The following ZMAT4 variants were observed in gnomAD, a reference collection of about 807,000 sequenced individuals.
ZMAT4 encodes zinc finger matrin-type protein 4.
Under a neutral mutation model 28.7 loss-of-function variants are expected in ZMAT4, and 17 were observed. The observed-to-expected ratio is 0.59, with a 90% CI of 0.41 to 0.89. The LOEUF is 0.89. ZMAT4 is among the 40% of genes least tolerant of loss of function. ZMAT4 has a pLI of 0.00. For missense variants in ZMAT4, 240 were observed against 283.8 expected (o/e 0.85, Z 1.11); for synonymous variants, 117 against 109.2 (o/e 1.07, Z -0.44).
At chr8:40,841,389 C>A (rs1051470607) in intron 1 of ZMAT4, among the ~76,000 whole-genome samples, 7 of 152,204 alleles carry the variant, frequency 4.6e-5, no homozygotes, top group African/African-American at 1.4e-4. Context: ...AGGCCGCCCC[C>A]CTGCCACCAA....
chr8:40,893,432 T>C (rs1375753626), intron 1 of ZMAT4, among the ~76,000 whole-genome samples: 1 of 152,202 alleles, frequency 6.6e-6, no homozygotes, highest in Non-Finnish European at 1.5e-5. Flanking sequence ...CATAAGCACA[T>C]GCCCAAGTTC....
At chr8:40,800,083 T>G (rs186831042) in intron 2 of ZMAT4, among the ~76,000 whole-genome samples, 3 of 152,326 alleles carry the variant, frequency 2.0e-5, no homozygotes, top group Admixed American at 2.0e-4. Context: ...CTACAGTCAT[T>G]TGCTGCATGG....
At chr8:40,838,200 G>A (rs73619251) in intron 1 of ZMAT4, among the ~76,000 whole-genome samples, 2,250 of 152,276 alleles carry the variant, frequency 0.015, 49 homozygotes, top group African/African-American at 0.05. Context: ...CGTTCTTCAC[G>A]CCTTTTAGCT....
intron 3 of ZMAT4, among the ~76,000 whole-genome samples, chr8:40,717,099 T>G (rs1810890118): frequency 6.6e-6 from 1 of 152,244 alleles, no homozygotes; most frequent in South Asian, 2.1e-4. Flanking sequence ...CCTGTAATTT[T>G]ATCTTTGATT....
intron 2 of ZMAT4, among the ~76,000 whole-genome samples, chr8:40,797,313 G>C (rs960987888): frequency 1.3e-5 from 2 of 152,174 alleles, no homozygotes; most frequent in Non-Finnish European, 2.9e-5. Context: ...TGACACTTGT[G>C]CCTCACACAT....
chr8:40,604,662 G>A (rs1805518518), intron 5 of ZMAT4, among the ~76,000 whole-genome samples: 1 of 152,142 alleles, frequency 6.6e-6, no homozygotes, highest in Admixed American at 6.5e-5. Context: ...TTTCAACAGA[G>A]ATATTAATCC....
At chr8:40,532,909 G>A (rs892220842) in intron 6 of ZMAT4, among the ~76,000 whole-genome samples, 1 of 151,366 alleles carries the variant, frequency 6.6e-6, no homozygotes, top group African/African-American at 2.4e-5. Context: ...CAGGAGAATC[G>A]CTTGAACCTG....
intron 3 of ZMAT4, among the ~76,000 whole-genome samples, chr8:40,702,055 T>C (rs1466477148): frequency 6.6e-6 from 1 of 152,132 alleles, no homozygotes; most frequent in Admixed American, 6.5e-5. Context: ...AAAAGCAAGT[T>C]CAACCCTCAC....
intron 1 of ZMAT4, among the ~76,000 whole-genome samples, chr8:40,865,605 C>T (rs1406885845): frequency 3.3e-5 from 5 of 152,194 alleles, no homozygotes; most frequent in East Asian, 1.9e-4. Flanking sequence ...TTGAAATACA[C>T]GGTCTGCTCT....
chr8:40,755,263 T>C (rs760740150), intron 3 of ZMAT4, among the ~76,000 whole-genome samples: 16 of 151,464 alleles, frequency 1.1e-4, no homozygotes, highest in Non-Finnish European at 1.9e-4. Flanking sequence ...ACCTTTAGAG[T>C]TTCAATGGGC....
intron 3 of ZMAT4, among the ~76,000 whole-genome samples, chr8:40,753,792 T>C (rs985394894): frequency 1.3e-5 from 2 of 152,212 alleles, no homozygotes. Context: ...TGACTTAAGC[T>C]CCTTCCACAT....
At chr8:40,879,634 T>C (rs569396195) in intron 1 of ZMAT4, among the ~76,000 whole-genome samples, 63 of 152,290 alleles carry the variant, frequency 4.1e-4, no homozygotes, top group African/African-American at 1.5e-3. Context: ...TTTCTGTAAT[T>C]TTTATTATTT....
chr8:40,630,189 TTTC>T (rs1368468468), intron 5 of ZMAT4, among the ~76,000 whole-genome samples: 7 of 152,238 alleles, frequency 4.6e-5, no homozygotes, highest in African/African-American at 1.7e-4. Context: ...CAAGTTTTCT[TTTC>T]TTCTTTAAAC....
chr8:40,762,903 A>G (rs1812997309), intron 3 of ZMAT4, among the ~76,000 whole-genome samples: 1 of 152,210 alleles, frequency 6.6e-6, no homozygotes, highest in Admixed American at 6.5e-5. Context: ...TAGGTAGTCA[A>G]CAGTGCTAGA....
intron 5 of ZMAT4, among the ~76,000 whole-genome samples, chr8:40,632,318 A>AT (rs888572738): frequency 3.2e-4 from 49 of 151,910 alleles, no homozygotes; most frequent in Middle Eastern, 3.4e-3. Flanking sequence ...AGTTTTATAG[A>AT]TTTTTTTTTG....
At chr8:40,549,866 T>C (rs1803314616) in intron 6 of ZMAT4, among the ~76,000 whole-genome samples, 1 of 152,226 alleles carries the variant, frequency 6.6e-6, no homozygotes, top group South Asian at 2.1e-4. Flanking sequence ...GAGTCTAATG[T>C]ACTGAGAATT....
At chr8:40,551,946 C>T (rs1360029733) in intron 6 of ZMAT4, among the ~76,000 whole-genome samples, 2 of 152,122 alleles carry the variant, frequency 1.3e-5, no homozygotes, top group African/African-American at 4.8e-5. Context: ...TCCCATACAG[C>T]GTGTGTGAGG....
chr8:40,820,421 T>G (rs1036029170), intron 2 of ZMAT4, among the ~76,000 whole-genome samples: 3 of 128,900 alleles, frequency 2.3e-5, no homozygotes, highest in Non-Finnish European at 5.0e-5. Context: ...AGTGTGTGTA[T>G]AGTGTGTGCT....
Position 40,588,640 on chromosome 8 carries a change from T to A in ZMAT4, c.578-7379A>T, listed in dbSNP as rs1804750305. On this transcript the variant is annotated intron_variant, in intron 5 of 6. Transcript: ENST00000297737. ...ACAATACCAGATGTAAATGACCATA[T>A]GGAACAACTAGAATTTGACACATTC... Among the ~76,000 whole-genome samples the A allele has an allele frequency of 1.3e-5, 2 of 152,062 alleles. 1 individual carries two copies. Among genetic ancestry groups the A allele is most frequent in the South Asian group, 4.1e-4 (2 of 4,832 alleles).
Sources: gnomAD v4.1 joint callset for allele counts (sites outside exome capture counted in the v4.1 genomes callset) on GRCh38, gnomAD v4.1.1 for gene constraint, MANE v1.5 for transcripts, NCBI Gene and HGNC (gene_info 2026-07-23, HGNC 2026-07-21) for gene names.